EHBP1: variants seen among roughly 807,000 people sequenced by gnomAD.
EHBP1 encodes EH domain binding protein 1.
EHBP1 carries 55 observed loss-of-function variants against 144.0 expected under a neutral mutation model. The observed-to-expected ratio is 0.38, with a 90% confidence interval of 0.31 to 0.48. The LOEUF (loss-of-function observed/expected upper bound fraction) is 0.48. Ranked by LOEUF, EHBP1 falls within the 20% of genes least tolerant of loss-of-function variation. EHBP1 has a pLI of 0.98. For missense variants in EHBP1, 1,200 were observed against 1,364.2 expected, an observed-to-expected ratio of 0.88 and a Z score of 1.90; for synonymous variants, 469 against 472.7, an observed-to-expected ratio of 0.99 and a Z score of 0.10.
At chr2:62,694,293 A>T (rs909704194) in intron 1 of EHBP1, among the ~76,000 whole-genome samples, 3 of 152,188 alleles carry the variant, frequency 2.0e-5, no homozygotes, top group African/African-American at 7.2e-5. Flanking sequence ...TTTTAAATTG[A>T]TCTATAATTA....
intron 10 of EHBP1, among the ~76,000 whole-genome samples, chr2:62,929,411 G>T (rs1203818307): frequency 6.6e-6 from 1 of 152,104 alleles, no homozygotes; most frequent in African/African-American, 2.4e-5. Context: ...TGGAGTGCAA[G>T]GATGATTAGA....
chr2:62,760,866 A>C (rs1320063872), intron 3 of EHBP1, among the ~76,000 whole-genome samples: 1 of 152,200 alleles, frequency 6.6e-6, no homozygotes, highest in Admixed American at 6.5e-5. Flanking sequence ...AATTAGATCT[A>C]AAGATATTTT....
In EHBP1 at chr2:62,754,402, A is replaced by G. The variant is rs546034467; in HGVS notation, c.162+6950A>G. Among the ~76,000 whole-genome samples, 11 of 152,248 alleles carry G rather than the reference A, an allele frequency of 7.2e-5. No homozygotes were observed. In the East Asian group the frequency reaches 1.2e-3, roughly 16 times the overall value. On this transcript the variant is annotated intron_variant, in intron 3 of 22. Transcript: ENST00000431489. Reference sequence around the variant, plus strand: ...CCGTGTGAGGTTTCAGTCTGCCTCTACTGGGGGGTGCCTCCCAGTTAGGCT... The same window carrying G: ...CCGTGTGAGGTTTCAGTCTGCCTCTGCTGGGGGGTGCCTCCCAGTTAGGCT...
intron 5 of EHBP1, among the ~76,000 whole-genome samples, chr2:62,789,002 T>A (rs1393863698): frequency 6.6e-6 from 1 of 152,218 alleles, no homozygotes; most frequent in Non-Finnish European, 1.5e-5. Flanking sequence ...TGTGAAAATG[T>A]CTTGTCTTTG....
At chr2:62,925,396 G>A (rs2055422301) in intron 10 of EHBP1, among the ~76,000 whole-genome samples, 1 of 151,304 alleles carries the variant, frequency 6.6e-6, no homozygotes, top group South Asian at 2.1e-4. Context: ...TTGGAAACAA[G>A]TCAAATTGTC....
chr2:62,918,808 A>C (rs1000772904), intron 10 of EHBP1, among the ~76,000 whole-genome samples: 2 of 152,166 alleles, frequency 1.3e-5, no homozygotes, highest in Non-Finnish European at 2.9e-5. Flanking sequence ...ATGCTCTTAA[A>C]AGTTTTTAAG....
chr2:62,834,322 T>A (rs559649010), intron 7 of EHBP1, among the ~76,000 whole-genome samples: 30 of 152,346 alleles, frequency 2.0e-4, no homozygotes, highest in Non-Finnish European at 3.5e-4. Context: ...GAGAAATTTT[T>A]AATGAAAGGA....
chr2:62,795,193 A>T (rs1225296624), intron 5 of EHBP1, among the ~76,000 whole-genome samples: 2 of 152,060 alleles, frequency 1.3e-5, no homozygotes, highest in Non-Finnish European at 2.9e-5. Flanking sequence ...CATGGTAACA[A>T]ATCCAACAGT....
intron 1 of EHBP1, among the ~76,000 whole-genome samples, chr2:62,688,894 T>C (rs2033810687): frequency 6.6e-6 from 1 of 152,188 alleles, no homozygotes. Context: ...CGAGGAGTGA[T>C]GCAGGACTAC....
rs942822022 is a variant in EHBP1, at chr2:62,810,185, G to T, written c.313-15902G>T. Reference sequence around the variant, plus strand: ...GTAAAGTTTTAAGGGATTCTTTTTTGTACCTCTCCGTATATTTATAATTTT... The same window carrying T: ...GTAAAGTTTTAAGGGATTCTTTTTTTTACCTCTCCGTATATTTATAATTTT... On this transcript the variant is annotated intron_variant, in intron 5 of 22. Coordinates refer to ENST00000431489, the MANE Select transcript of EHBP1 (RefSeq NM_001142616.3). Among the ~76,000 whole-genome samples, 6 of 152,150 alleles carry T rather than the reference G, an allele frequency of 3.9e-5. No homozygotes were observed. In the East Asian group the frequency reaches 1.2e-3, roughly 29 times the overall value.
At chr2:62,829,497 T>C (rs2046622850) in intron 6 of EHBP1, among the ~76,000 whole-genome samples, 1 of 151,682 alleles carries the variant, frequency 6.6e-6, no homozygotes, top group Non-Finnish European at 1.5e-5. Flanking sequence ...CTTAGAATAA[T>C]GGTCTCCAAC....
intron 2 of EHBP1, among the ~76,000 whole-genome samples, chr2:62,742,480 A>G (rs1558588115): frequency 6.6e-6 from 1 of 152,080 alleles, no homozygotes; most frequent in East Asian, 1.9e-4. Flanking sequence ...ACCTCCTAAG[A>G]TACTTACCCT....
At position 62,792,470 on chromosome 2, in the gene EHBP1, C is replaced by T. The variant is rs537799251; in HGVS notation, c.312+21078C>T. 1.9e-4 allele frequency among the ~76,000 whole-genome samples: 29 copies of T among 152,150 alleles called. No homozygotes were observed. The East Asian group carries it at 5.4e-3, about 28-fold the overall frequency. ...TGTTTAGTTTTGGAATGGCAGAAATCTAACTACATAATTGATTTCTGCACT... is the reference window on the plus strand; with the variant it reads ...TGTTTAGTTTTGGAATGGCAGAAATTTAACTACATAATTGATTTCTGCACT... On this transcript the variant is annotated intron_variant, in intron 5 of 22. Transcript: ENST00000431489.
At chr2:62,881,864 A>G (rs576205311) in intron 10 of EHBP1, 4 of 152,140 alleles carry the variant, frequency 2.6e-5, no homozygotes, top group Non-Finnish European at 4.4e-5. Context: ...TTTTACCGCT[A>G]TATTAGGTTA....
chr2:62,689,204 G>A (rs2033820002), intron 1 of EHBP1, among the ~76,000 whole-genome samples: 1 of 152,164 alleles, frequency 6.6e-6, no homozygotes, highest in Non-Finnish European at 1.5e-5. Flanking sequence ...AGAAACTTCA[G>A]TGCCTCCTCA....
At chr2:62,815,430 G>C (rs962171099) in intron 5 of EHBP1, among the ~76,000 whole-genome samples, 15 of 152,126 alleles carry the variant, frequency 9.9e-5, no homozygotes, top group Non-Finnish European at 1.8e-4. Context: ...TTCATTACAT[G>C]TCAACACTAG....
At chr2:63,007,333 A>T (rs2060083068) in intron 19 of EHBP1, among the ~76,000 whole-genome samples, 1 of 151,824 alleles carries the variant, frequency 6.6e-6, no homozygotes, top group Non-Finnish European at 1.5e-5. Context: ...TTTAAGGGAA[A>T]CAGAACTTTT....
chr2:62,956,688 GAAAAAAA>G (rs552448173), intron 14 of EHBP1, among the ~76,000 whole-genome samples: 1 of 107,516 alleles, frequency 9.3e-6, no homozygotes, highest in Non-Finnish European at 2.1e-5. Context: ...TCTACTTACA[GAAAAAAA>G]AAAAAAAAAA....
chr2:62,711,137 G>C (rs1426998108), intron 2 of EHBP1, among the ~76,000 whole-genome samples: 1 of 152,056 alleles, frequency 6.6e-6, no homozygotes, highest in Non-Finnish European at 1.5e-5. Context: ...GAAATGGTCA[G>C]ACATATGTAA....
Sources: allele counts gnomAD v4.1 joint callset (sites outside exome capture counted in the v4.1 genomes callset), GRCh38; gene constraint gnomAD v4.1.1; transcripts MANE v1.5; gene names NCBI Gene and HGNC (gene_info 2026-07-23, HGNC 2026-07-21).